CATSPERG: variants seen among roughly 807,000 people sequenced by gnomAD.
The protein encoded by CATSPERG is catsper channel auxiliary subunit gamma.
CATSPERG carries 115 observed loss-of-function variants against 145.0 expected under a neutral mutation model. That is an observed-to-expected ratio of 0.79 (90% CI 0.68 to 0.93). The LOEUF (loss-of-function observed/expected upper bound fraction) is 0.93. Among genes scored for constraint, CATSPERG ranks in the 40% least tolerant of loss-of-function variants. CATSPERG has a pLI of 0.00. For synonymous variants in CATSPERG, 588 were observed against 589.0 expected (o/e 1.00, Z 0.02); for missense variants, 1,296 against 1,490.1 (o/e 0.87, Z 2.14).
chr19:38,350,915 G>T (rs1321655628), intron 7 of CATSPERG, among the ~76,000 whole-genome samples: 1 of 152,142 alleles, frequency 6.6e-6, no homozygotes, highest in Non-Finnish European at 1.5e-5. Context: ...CTGGAACCCG[G>T]GAGGCAGAGG....
intron 20 of CATSPERG, among the ~76,000 whole-genome samples, chr19:38,364,219 G>A (rs1244347802): frequency 6.6e-6 from 1 of 152,138 alleles, no homozygotes; most frequent in Non-Finnish European, 1.5e-5. Context: ...GTGGCTGCCG[G>A]GCGGAGGGGC....
In CATSPERG at chr19:38,346,609, A is replaced by G; in HGVS notation, c.825+4A>G. On this transcript the variant is annotated splice_donor_region_variant and intron_variant, in intron 7 of 28. Coordinates refer to ENST00000409235, the MANE Select transcript of CATSPERG (RefSeq NM_021185.5). ...CAAGGACTTCTCTCTCGTGGAGGTGAACGGTGTGGGGCAGATGGTGGGCGG... is the reference window on the plus strand; with the variant it reads ...CAAGGACTTCTCTCTCGTGGAGGTGGACGGTGTGGGGCAGATGGTGGGCGG... 6.5e-7 allele frequency: 1 copy of G among 1,549,562 alleles called. No individual in the cohort carries two copies. Among genetic ancestry groups the G allele is most frequent in the South Asian group, 1.2e-5 (1 of 83,994 alleles).
At chr19:38,362,076 T>C in intron 17 of CATSPERG, 134 bp from the exon 18 acceptor site, 1 of 1,046,990 alleles carries the variant, frequency 9.6e-7, no homozygotes, top group East Asian at 2.6e-5. Flanking sequence ...GGTTTGGGGA[T>C]GGGCTGGGGT....
rs1335488384 is a variant in CATSPERG, at chr19:38,346,559, A to G, written c.779A>G (p.Tyr260Cys). 6.4e-7 allele frequency: 1 copy of G among 1,551,564 alleles called. No homozygotes were observed. The highest frequency in any genetic ancestry group is 1.4e-5 in the African/African-American group (1 of 73,060). ...CTGGGAGGCATTCCCAATGAGAAGT[A>G]CGTCCTGATGACTGACACCAGCTTC... ...LILGGIPNEK[Y>C]VLMTDTSFKD... The change falls in exon 7 of 29, where the codon TAC becomes TGC. Residue 260 changes from tyrosine to cysteine, a missense_variant. Transcript: ENST00000409235.
chr19:38,352,191 C>G, intron 7 of CATSPERG, 70 bp from the exon 8 acceptor site: 1 of 1,463,122 alleles, frequency 6.8e-7, no homozygotes, highest in Non-Finnish European at 9.3e-7. Flanking sequence ...GCAGGAGCTT[C>G]CCCGCAAGGC....
Position 38,361,695 on chromosome 19 carries a change from T to C in CATSPERG, c.1928T>C (p.Met643Thr). 6.2e-7 allele frequency: 1 copy of C among 1,612,274 alleles called. No homozygotes were observed. Among genetic ancestry groups the C allele is most frequent in the Non-Finnish European group, 8.5e-7 (1 of 1,179,892 alleles). ...SFIDFCPFSV[M>T]RLRSLPSPQR... ...ATCGACTTCTGCCCCTTCTCGGTGA[T>C]GCGCCTGCGGAGCCTGCCCAGTCCG... Residue 643 changes from methionine to threonine, a missense_variant, in exon 17 of 29, where the codon ATG (methionine) becomes ACG (threonine). Met to Thr is a moderately conservative substitution (Grantham distance 81, BLOSUM62 -1). Coordinates refer to ENST00000409235, the MANE Select transcript of CATSPERG (RefSeq NM_021185.5).
intron 7 of CATSPERG, among the ~76,000 whole-genome samples, chr19:38,350,397 G>C (rs537974290): frequency 2.0e-4 from 30 of 152,170 alleles, no homozygotes; most frequent in South Asian, 4.2e-4. Flanking sequence ...TGCTTTTTGA[G>C]ACGGAGTTTC....
At chr19:38,367,955 C>T in intron 25 of CATSPERG, 93 bp from the exon 26 acceptor site, 1 of 1,252,992 alleles carries the variant, frequency 8.0e-7, no homozygotes, top group Non-Finnish European at 1.2e-6. Context: ...TCCCCTGCAC[C>T]CACCTGTGGC....
chr19:38,351,573 A>G (rs954652470), intron 7 of CATSPERG, among the ~76,000 whole-genome samples: 1 of 150,564 alleles, frequency 6.6e-6, no homozygotes, highest in African/African-American at 2.4e-5. Context: ...ACGCCACTGC[A>G]CTCCAGCCTG....
intron 22 of CATSPERG, 91 bp downstream of exon 22, chr19:38,365,208 T>C: frequency 9.1e-7 from 1 of 1,100,354 alleles, no homozygotes; most frequent in Non-Finnish European, 1.4e-6. Context: ...CACTAATGCA[T>C]TCATAATTTC....
rs555515204 is a variant in CATSPERG, at chr19:38,362,838, G to GC, written c.2475+12dup. The GC allele has an allele frequency of 6.1e-6, 9 of 1,476,278 alleles. No homozygotes were observed. Among genetic ancestry groups the GC allele is most frequent in the South Asian group, 2.3e-5 (2 of 88,694 alleles). The allele number at this position is 1,476,278 out of a possible 1,614,324, so 91.4% of individuals were successfully genotyped here. On this transcript the variant is annotated splice_region_variant and intron_variant, in intron 20 of 28. Coordinates refer to ENST00000409235, the MANE Select transcript of CATSPERG (RefSeq NM_021185.5). ...GCAACTCGGTGCTATTTTCGGTGAG[G>GC]CCCCCCGGGGAGTTGGGATCAAGGG...
chr19:38,365,024 G>T (rs769596247), intron 21 of CATSPERG, 37 bp from the exon 22 acceptor site: 6 of 1,613,630 alleles, frequency 3.7e-6, no homozygotes, highest in Non-Finnish European at 5.1e-6. Flanking sequence ...AGCCTGGGCC[G>T]GCGGGGATCA....
chr19:38,357,479 A>G (rs1231141855), intron 11 of CATSPERG, among the ~76,000 whole-genome samples: 1 of 151,108 alleles, frequency 6.6e-6, no homozygotes, highest in Non-Finnish European at 1.5e-5. Context: ...AGCTATGATC[A>G]TGCTACTACC....
intron 1 of CATSPERG, 116 bp from the exon 2 acceptor site, chr19:38,337,105 G>A (rs945286527): frequency 1.5e-6 from 2 of 1,299,448 alleles, no homozygotes; most frequent in Non-Finnish European, 2.1e-6. Flanking sequence ...CCAGGAGCAA[G>A]AGCCGGGGCG....
intron 13 of CATSPERG, 28 bp downstream of exon 13, chr19:38,358,589 C>T (rs375853595): frequency 3.7e-6 from 6 of 1,613,610 alleles, no homozygotes; most frequent in African/African-American, 1.3e-5. Flanking sequence ...CTGGGTGGGC[C>T]AGGCATACTC....
Position 38,368,013 on chromosome 19 carries a change from C to A in CATSPERG, c.2931-35C>A, listed in dbSNP as rs900475994. 7 of 1,603,144 alleles carry A rather than the reference C, an allele frequency of 4.4e-6. No homozygotes were observed. In the South Asian group the frequency reaches 4.4e-5, roughly 10 times the overall value. On this transcript the variant is annotated intron_variant, in intron 25 of 28. Transcript: ENST00000409235. ...GGTCATACCTCCCCTACACCGCCCC[C>A]CAACCCCTGGCTGAGATGACCTGGG...
chr19:38,345,228 G>A (rs1252038100), intron 6 of CATSPERG, among the ~76,000 whole-genome samples: 1 of 151,150 alleles, frequency 6.6e-6, no homozygotes, highest in East Asian at 1.9e-4. Flanking sequence ...CAAGTAGCTG[G>A]GATTACAGGC....
At chr19:38,356,035 A>G (rs1479365086) in intron 9 of CATSPERG, among the ~76,000 whole-genome samples, 2 of 152,110 alleles carry the variant, frequency 1.3e-5, no homozygotes, top group African/African-American at 4.8e-5. Flanking sequence ...GTTTTTGTAA[A>G]GGTCTTAGTG....
chr19:38,356,881 G>A lies in CATSPERG; in HGVS notation c.1315+20G>A, dbSNP rs996256788. 6.2e-7 allele frequency: 1 copy of A among 1,613,204 alleles called. No homozygotes were observed. Among genetic ancestry groups the A allele is most frequent in the Admixed American group, 1.7e-5 (1 of 59,966 alleles). ...ACACAGGTAATGAGGGTGATGCAAG[G>A]GGCTGGGCACAAAGGGGCAGGATCC... On this transcript the variant is annotated intron_variant, in intron 11 of 28. Transcript: ENST00000409235.
Sources: gnomAD v4.1 joint callset for allele counts (sites outside exome capture counted in the v4.1 genomes callset) on GRCh38, gnomAD v4.1.1 for gene constraint, MANE v1.5 for transcripts, NCBI Gene and HGNC (gene_info 2026-07-23, HGNC 2026-07-21) for gene names.